ATP13A2: variants seen among roughly 807,000 people sequenced by gnomAD.
ATP13A2 encodes ATPase cation transporting 13A2.
Under a neutral mutation model 138.3 loss-of-function variants are expected in ATP13A2, and 83 were observed. That is an observed-to-expected ratio of 0.60 (90% CI 0.50 to 0.72). The LOEUF is 0.72. Among genes scored for constraint, ATP13A2 ranks in the 30% least tolerant of loss-of-function variants. The pLI is 0.00. For synonymous variants in ATP13A2, 663 were observed against 699.0 expected (o/e 0.95, Z 0.81); for missense variants, 1,402 against 1,606.4 (o/e 0.87, Z 2.17).
At chr1:16,989,571 G>C in intron 23 of ATP13A2, 120 bp downstream of exon 23, 1 of 943,464 alleles carries the variant, frequency 1.1e-6, no homozygotes, top group Non-Finnish European at 1.7e-6. Context: ...GGTGAGGAGG[G>C]GTGACAGCTC....
rs777951986 is a variant in ATP13A2 at position 17,004,820 on chromosome 1, G to A, written c.349C>T (p.Leu117=). 7 of 1,613,734 alleles carry A rather than the reference G, an allele frequency of 4.3e-6. No homozygotes were observed. In the Admixed American group the frequency reaches 1.2e-4, roughly 27 times the overall value. The change falls in exon 5 of 29, where the codon CTG becomes TTG. Residue 117 remains leucine, a splice_region_variant and synonymous_variant. Coordinates refer to ENST00000326735, the MANE Select transcript of ATP13A2 (RefSeq NM_022089.4). The surrounding 1 kb of genome is among the most constrained non-coding windows in gnomAD (Gnocchi z 4.1). ...VQTEAIGEGS[L]EPSPQSQAED... Reference sequence around the variant, plus strand: ...GCCTGGGACTGTGGGGACGGCTCCAGGCTGGGGAAGCAGGTGAGGGTTACT... The same window carrying A: ...GCCTGGGACTGTGGGGACGGCTCCAAGCTGGGGAAGCAGGTGAGGGTTACT...
At chr1:16,996,845 T>C (rs906320893) in intron 12 of ATP13A2, among the ~76,000 whole-genome samples, 175 bp downstream of exon 12, 1 of 151,062 alleles carries the variant, frequency 6.6e-6, no homozygotes, top group African/African-American at 2.4e-5. Flanking sequence ...CAACTTCTGC[T>C]AAGATGGGAA....
intron 20 of ATP13A2, 73 bp downstream of exon 20, chr1:16,991,661 C>T: frequency 2.5e-6 from 4 of 1,611,320 alleles, no homozygotes; most frequent in South Asian, 1.1e-5. Flanking sequence ...AAAGGAATCC[C>T]TGGTGCCCCT....
Position 16,993,707 on chromosome 1 carries a change from G to C in ATP13A2, c.1671C>G (p.Thr557=), listed in dbSNP as rs1299235287. The C allele has an allele frequency of 4.4e-6, 7 of 1,594,892 alleles. No individual in the cohort carries two copies. The highest frequency in any genetic ancestry group is 6.0e-6 in the Non-Finnish European group (7 of 1,171,396). ...PVGPLLRALA[T]CHALSRLQDT... ...CCTGGAGCCGGCTGAGGGCATGGCA[G>C]GTGGCCAGTGCTCGGAGCAGGGGCC... Residue 557 remains threonine (T), a synonymous_variant, in exon 16 of 29, where the codon ACC becomes ACG. Coordinates refer to ENST00000326735, the MANE Select transcript of ATP13A2 (RefSeq NM_022089.4).
rs563379285 is a variant in ATP13A2 at position 16,990,321 on chromosome 1, C to A, written c.2252-34G>T. ...TATGGGGCAAGGTGAGGGTCTGAGGCTATCCGGGGAGGCCATCCTCATCCT... is the reference window on the plus strand; with the variant it reads ...TATGGGGCAAGGTGAGGGTCTGAGGATATCCGGGGAGGCCATCCTCATCCT... On this transcript the variant is annotated intron_variant, in intron 20 of 28. Transcript: ENST00000326735. 5.4e-5 allele frequency: 87 copies of A among 1,612,794 alleles called. No homozygotes were observed. The Admixed American group carries it at 1.1e-3, about 21-fold the overall frequency.
Position 16,986,239 on chromosome 1 carries a change from G to A in ATP13A2, c.3525C>T (p.Pro1175=), listed in dbSNP as rs761418456. The A allele has an allele frequency of 2.0e-5, 33 of 1,610,478 alleles. No homozygotes were observed. The highest frequency in any genetic ancestry group is 6.7e-5 in the East Asian group (3 of 44,722). ...ELAEQPWPPL[P]AGPLR ...GCCTGCACTACCTCAGGGGGCCGGC[G>A]GGCAGCGGCGGCCAGGGCTGCTCGG... Residue 1175 remains proline, a synonymous_variant, in exon 29 of 29, where the codon CCC becomes CCT. Transcript: ENST00000326735. The surrounding 1 kb of genome is among the most constrained non-coding windows in gnomAD (Gnocchi z 6.9).
chr1:16,988,369 G>C lies in ATP13A2; in HGVS notation c.2715C>G (p.Pro905=). 6.2e-7 allele frequency: 1 copy of C among 1,614,180 alleles called. No homozygotes were observed. Among genetic ancestry groups the C allele is most frequent in the East Asian group, 2.2e-5 (1 of 44,888 alleles). ...LSQAEASVVS[P]FTSSMASIEC... Reference sequence around the variant, plus strand: ...CAATACTGGCCATGCTCGAGGTGAAGGGTGAGACCACTGAGGCTTCTGCCT... The same window carrying C: ...CAATACTGGCCATGCTCGAGGTGAACGGTGAGACCACTGAGGCTTCTGCCT... Residue 905 remains proline (P), a synonymous_variant, in exon 24 of 29, where the codon CCC becomes CCG. Transcript: ENST00000326735.
At chr1:17,003,000 G>A (rs2077416991) in intron 6 of ATP13A2, among the ~76,000 whole-genome samples, 1 of 152,168 alleles carries the variant, frequency 6.6e-6, no homozygotes, top group Non-Finnish European at 1.5e-5. Flanking sequence ...AAGCGTGGAA[G>A]ACTTTGTGTC....
rs765168899 is a variant in ATP13A2 at position 16,996,132 on chromosome 1, G to A, written c.1386C>T (p.Leu462=). 8 of 1,614,006 alleles carry A rather than the reference G, an allele frequency of 5.0e-6. No homozygotes were observed. Among genetic ancestry groups the A allele is most frequent in the Admixed American group, 1.7e-5 (1 of 60,014 alleles). ...VPLNEIVIRA[L]DLVTVVVPPA... is the part of the protein sequence containing the mutation. ...GTGGCACCACCACGGTCACCAGGTC[G>A]AGAGCCCGGATTACAATCTCATTCA... Residue 462 remains leucine (L), a synonymous_variant, in exon 15 of 29, where the codon CTC becomes CTT. Coordinates refer to ENST00000326735, the MANE Select transcript of ATP13A2 (RefSeq NM_022089.4).
chr1:17,011,819 G>A lies in ATP13A2; in HGVS notation c.-81C>T. The A allele has an allele frequency of 8.8e-7, 1 of 1,131,014 alleles. No individual in the cohort carries two copies. The highest frequency in any genetic ancestry group is 1.1e-6 in the Non-Finnish European group (1 of 927,684). The allele number at this position is 1,131,014 out of a possible 1,614,324, so 70.1% of individuals were successfully genotyped here. A position where few individuals can be genotyped will look rare whatever the true frequency, so the allele number is the denominator to read the frequency against. On this transcript the variant is annotated 5_prime_UTR_variant, in exon 1 of 29. Transcript: ENST00000326735. This position sits in a 1 kb window ranked among gnomAD's most constrained non-coding sequence, Gnocchi z 7.3. ...CGGCGTGCGCAAGGCCCTGGGCGGG[G>A]GCGCGGTCCGGACGGCCCGGGGCGA... is the stretch of plus-strand genomic sequence containing the variant.
At chr1:17,007,603 G>A (rs1251812688) in intron 1 of ATP13A2, among the ~76,000 whole-genome samples, 2 of 142,740 alleles carry the variant, frequency 1.4e-5, no homozygotes, top group Admixed American at 7.3e-5. Flanking sequence ...CCAGGCTGGA[G>A]TGCAGTGGCG....
At chr1:16,999,111 T>C (rs2077247437) in intron 11 of ATP13A2, among the ~76,000 whole-genome samples, 1 of 152,114 alleles carries the variant, frequency 6.6e-6, no homozygotes, top group African/African-American at 2.4e-5. Flanking sequence ...CCAGGTGCTA[T>C]GGTTCATGCT....
Position 17,005,762 on chromosome 1 carries a change from C to T in ATP13A2, c.27G>A (p.Val9=). 1 of 1,611,640 alleles carries T rather than the reference C, an allele frequency of 6.2e-7. No homozygotes were observed. The highest frequency in any genetic ancestry group is 8.5e-7 in the Non-Finnish European group (1 of 1,178,964). The change falls in exon 2 of 29, where the codon GTG becomes GTA. Residue 9 remains valine (V), a synonymous_variant. Coordinates refer to ENST00000326735, the MANE Select transcript of ATP13A2 (RefSeq NM_022089.4). MSADSSPL[V]GSTPTGYGTL... ...TCCCATAACCGGTGGGCGTGCTGCC[C>T]ACGAGAGGGCTGCTGTCTGTGGACA... is the stretch of plus-strand genomic sequence containing the variant.
At chr1:17,008,673 G>T (rs778664228) in intron 1 of ATP13A2, among the ~76,000 whole-genome samples, 1 of 152,114 alleles carries the variant, frequency 6.6e-6, no homozygotes, top group Non-Finnish European at 1.5e-5. Flanking sequence ...CAGGCCGGCC[G>T]TGCGCAGTGG....
At position 17,011,714 on chromosome 1, in the gene ATP13A2, G is replaced by A. The variant is rs2077803931; in HGVS notation, c.10+15C>T. On this transcript the variant is annotated intron_variant, in intron 1 of 28. Coordinates refer to ENST00000326735, the MANE Select transcript of ATP13A2 (RefSeq NM_022089.4). The surrounding 1 kb of genome is among the most constrained non-coding windows in gnomAD (Gnocchi z 7.3). ...ACCGCGCCGGGCTCGGGGCCGACCCGGACTCCGCACTCACCTGCGCTCATG... is the reference window on the plus strand; with the variant it reads ...ACCGCGCCGGGCTCGGGGCCGACCCAGACTCCGCACTCACCTGCGCTCATG... The A allele has an allele frequency of 8.1e-6, 12 of 1,487,500 alleles. No homozygotes were observed. The highest frequency in any genetic ancestry group is 1.3e-5 in the South Asian group (1 of 79,296). The allele number at this position is 1,487,500 out of a possible 1,614,324, so 92.1% of individuals were successfully genotyped here. A position where few individuals can be genotyped will look rare whatever the true frequency, so the allele number is the denominator to read the frequency against.
At chr1:16,990,362 G>A in intron 20 of ATP13A2, 75 bp from the exon 21 acceptor site, 1 of 1,575,400 alleles carries the variant, frequency 6.3e-7, no homozygotes, top group South Asian at 1.1e-5. Flanking sequence ...TTACAGATGG[G>A]AAAACAGGCT....
intron 8 of ATP13A2, among the ~76,000 whole-genome samples, chr1:17,001,778 G>A (rs1317547081): frequency 1.3e-5 from 2 of 152,230 alleles, no homozygotes; most frequent in Non-Finnish European, 2.9e-5. Context: ...CAGGCTGCGT[G>A]GATTTGCCTC....
At chr1:16,992,872 G>A (rs1322004471) in intron 16 of ATP13A2, among the ~76,000 whole-genome samples, 3 of 152,260 alleles carry the variant, frequency 2.0e-5, no homozygotes, top group Non-Finnish European at 2.9e-5. Flanking sequence ...GTGGCCGTGC[G>A]CTGGCGCATA....
intron 1 of ATP13A2, among the ~76,000 whole-genome samples, chr1:17,008,513 C>A (rs1055023632): frequency 1.3e-5 from 2 of 152,164 alleles, no homozygotes; most frequent in African/African-American, 4.8e-5. Flanking sequence ...GACAGGTGGG[C>A]AGGACCCGGC....
Sources: allele counts gnomAD v4.1 joint callset (sites outside exome capture counted in the v4.1 genomes callset), GRCh38; gene constraint gnomAD v4.1.1; non-coding constraint Gnocchi (gnomAD v3.1); transcripts MANE v1.5; gene names NCBI Gene and HGNC (gene_info 2026-07-23, HGNC 2026-07-21).